FOXN3: variants seen among roughly 807,000 people sequenced by gnomAD.
FOXN3 encodes the protein forkhead box protein N3.
A neutral mutation model predicts 38.4 loss-of-function variants in FOXN3; 7 were observed. The ratio of observed to expected loss-of-function variants is 0.18; its 90% CI spans 0.10 to 0.34. FOXN3 has a LOEUF of 0.34. FOXN3 is among the 10% of genes least tolerant of loss of function. The probability of loss-of-function intolerance (pLI) is 1.00; values close to 1 mark genes in which losing one functional copy is unlikely to be tolerated. For synonymous variants in FOXN3, 230 were observed against 242.2 expected (o/e 0.95, Z 0.47); for missense variants, 456 against 613.4 (o/e 0.74, Z 2.71).
intron 3 of FOXN3, among the ~76,000 whole-genome samples, chr14:89,288,669 T>TC (rs1886724970): frequency 2.0e-5 from 1 of 50,698 alleles, no homozygotes; most frequent in African/African-American, 6.6e-5. Flanking sequence ...AGGCACTCTC[T>TC]TTCTCTCTCT....
At position 89,163,429 on chromosome 14, in the gene FOXN3, T is replaced by C. The variant is rs1341262331; in HGVS notation, c.852-460A>G. 1.1e-4 allele frequency among the ~76,000 whole-genome samples: 16 copies of C among 152,186 alleles called. No homozygotes were observed. The highest frequency in any genetic ancestry group is 1.0e-3 in the Admixed American group (16 of 15,284). On this transcript the variant is annotated intron_variant, in intron 5 of 5. Coordinates refer to ENST00000557258, the MANE Select transcript of FOXN3 (RefSeq NM_005197.4). The surrounding 1 kb of genome is among the most constrained non-coding windows in gnomAD (Gnocchi z 4.3). ...CTTTTGTCAGAAGACTAAACCAGTG[T>C]TCAGCAAAGATACCTGCCATGTGGT...
At chr14:89,510,067 G>A (rs1894024744) in intron 1 of FOXN3, among the ~76,000 whole-genome samples, 1 of 152,180 alleles carries the variant, frequency 6.6e-6, no homozygotes, top group African/African-American at 2.4e-5. Flanking sequence ...GAGGCGGATA[G>A]ATATCAGCAG....
chr14:89,208,905 T>C (rs886340119), intron 4 of FOXN3, among the ~76,000 whole-genome samples: 6 of 152,178 alleles, frequency 3.9e-5, no homozygotes, highest in African/African-American at 1.4e-4. Context: ...TCAAAGAAGC[T>C]ACATCCCAGT....
intron 1 of FOXN3, among the ~76,000 whole-genome samples, chr14:89,415,847 T>TACACACACACACACACAC (rs5810462): frequency 0.022 from 3,151 of 140,348 alleles, 75 homozygotes; most frequent in African/African-American, 0.038. Flanking sequence ...AACTTTTCTC[T>TACACACACACACACACAC]ACACACACAC....
At chr14:89,190,361 A>C in intron 4 of FOXN3, 1 of 1,582,274 alleles carries the variant, frequency 6.3e-7, no homozygotes, top group Non-Finnish European at 8.7e-7. Flanking sequence ...ATGGTGCTGT[A>C]GGCTATAGAA....
At chr14:89,387,680 A>G (rs1171593922) in intron 2 of FOXN3, among the ~76,000 whole-genome samples, 1 of 152,232 alleles carries the variant, frequency 6.6e-6, no homozygotes, top group Non-Finnish European at 1.5e-5. Context: ...AGAGATTAAT[A>G]AGATCAGGAG....
chr14:89,161,705 T>C lies in FOXN3; in HGVS notation c.*709A>G, dbSNP rs1354056290. 6.6e-6 allele frequency: 1 copy of C among 152,520 alleles called. No individual in the cohort carries two copies. Among genetic ancestry groups the C allele is most frequent in the Non-Finnish European group, 1.5e-5 (1 of 68,056 alleles). The allele number at this position is 152,520 out of a possible 1,614,324, so 9.4% of individuals were successfully genotyped here. ...GCAACATCACTAAAAATTTACCCCATTTCTTCTCCATGAGTCACTGACACC... is the reference window on the plus strand; with the variant it reads ...GCAACATCACTAAAAATTTACCCCACTTCTTCTCCATGAGTCACTGACACC... On this transcript the variant is annotated 3_prime_UTR_variant, in exon 6 of 6. Transcript: ENST00000557258.
intron 3 of FOXN3, among the ~76,000 whole-genome samples, chr14:89,314,610 A>G (rs1302696040): frequency 6.6e-6 from 1 of 152,224 alleles, no homozygotes; most frequent in Admixed American, 6.5e-5. Context: ...AGACTTCTTA[A>G]GTGCTTAATA....
chr14:89,473,452 C>A (rs1401573622), intron 1 of FOXN3, among the ~76,000 whole-genome samples: 1 of 151,388 alleles, frequency 6.6e-6, no homozygotes, highest in Non-Finnish European at 1.5e-5. Context: ...CAGCCTCGAA[C>A]TTCTGTGCTC....
At chr14:89,220,504 A>G (rs1016390024) in intron 4 of FOXN3, among the ~76,000 whole-genome samples, 2 of 152,180 alleles carry the variant, frequency 1.3e-5, no homozygotes, top group Non-Finnish European at 2.9e-5. Context: ...TGCTGGTGAT[A>G]CGACTGATTT....
intron 2 of FOXN3, among the ~76,000 whole-genome samples, chr14:89,374,729 T>C (rs1383192428): frequency 6.6e-6 from 1 of 151,966 alleles, no homozygotes; most frequent in Non-Finnish European, 1.5e-5. Flanking sequence ...CCCAGCACTT[T>C]GGGAGGCTGA....
rs539153285 is a variant in FOXN3 at position 89,404,532 on chromosome 14, C to T, written c.543+7402G>A. Reference sequence around the variant, plus strand: ...AAAAAAAAAAAAAAAAAAAAAAAATCGGCAGGATGGGTCAGGGAGCTGCGC... The same window carrying T: ...AAAAAAAAAAAAAAAAAAAAAAAATTGGCAGGATGGGTCAGGGAGCTGCGC... On this transcript the variant is annotated intron_variant, in intron 2 of 5. Coordinates refer to ENST00000557258, the MANE Select transcript of FOXN3 (RefSeq NM_005197.4). 2.3e-4 allele frequency among the ~76,000 whole-genome samples: 24 copies of T among 106,606 alleles called. No homozygotes were observed. The East Asian group carries it at 5.3e-3, about 23-fold the overall frequency. The allele number at this position is 106,606 out of a possible 152,430, so 69.9% of individuals were successfully genotyped here. A position where few individuals can be genotyped will look rare whatever the true frequency, so the allele number is the denominator to read the frequency against.
intron 5 of FOXN3, among the ~76,000 whole-genome samples, chr14:89,180,210 G>T (rs1887630039): frequency 6.6e-6 from 1 of 152,222 alleles, no homozygotes; most frequent in Non-Finnish European, 1.5e-5. Context: ...GCAGGGGAAT[G>T]ATGCCACCTG....
At chr14:89,400,880 A>C (rs544484287) in intron 2 of FOXN3, among the ~76,000 whole-genome samples, 8 of 152,182 alleles carry the variant, frequency 5.3e-5, no homozygotes, top group African/African-American at 1.9e-4. Context: ...CATTGCATGT[A>C]ACACAATCTG....
At chr14:89,455,950 C>A (rs189388632) in intron 1 of FOXN3, among the ~76,000 whole-genome samples, 2 of 152,252 alleles carry the variant, frequency 1.3e-5, no homozygotes, top group Non-Finnish European at 2.9e-5. Context: ...AATCCCAGCA[C>A]TTTGGGAGGC....
At chr14:89,239,625 A>G (rs904017668) in intron 4 of FOXN3, among the ~76,000 whole-genome samples, 4 of 152,232 alleles carry the variant, frequency 2.6e-5, no homozygotes, top group Non-Finnish European at 5.9e-5. Flanking sequence ...GGGTTCCTGA[A>G]GTCAAAGTCC....
chr14:89,506,184 T>A (rs1372617983), intron 1 of FOXN3, among the ~76,000 whole-genome samples: 6 of 58,264 alleles, frequency 1.0e-4, no homozygotes, highest in Non-Finnish European at 1.5e-4. Context: ...AGCTGCCCCG[T>A]CCGGGCGGTG....
intron 1 of FOXN3, among the ~76,000 whole-genome samples, chr14:89,567,707 A>C (rs548816371): frequency 1.4e-5 from 2 of 148,086 alleles, no homozygotes; most frequent in East Asian, 4.0e-4. Context: ...TGTGCCACCA[A>C]ACAAATCTCG....
chr14:89,542,351 C>T (rs887857349), intron 1 of FOXN3, among the ~76,000 whole-genome samples: 2 of 152,160 alleles, frequency 1.3e-5, no homozygotes, highest in South Asian at 2.1e-4. Context: ...TTCCCTTAAC[C>T]GTAAACATCT....
Sources: allele counts gnomAD v4.1 joint callset (sites outside exome capture counted in the v4.1 genomes callset), GRCh38; gene constraint gnomAD v4.1.1; non-coding constraint Gnocchi (gnomAD v3.1); transcripts MANE v1.5; gene names NCBI Gene and HGNC (gene_info 2026-07-23, HGNC 2026-07-21).